LRRC74A: variants seen among roughly 807,000 people sequenced by gnomAD.
LRRC74A encodes leucine-rich repeat-containing protein 74A.
In LRRC74A, 44 loss-of-function variants were observed where a neutral mutation model predicts 57.9. The ratio of observed to expected loss-of-function variants is 0.76; its 90% CI spans 0.60 to 0.98. The LOEUF is 0.98. Ranked by LOEUF, LRRC74A falls within the 50% of genes least tolerant of loss-of-function variation. LRRC74A has a pLI of 0.00. For missense variants in LRRC74A, 572 were observed against 574.0 expected (o/e 1.00, Z 0.04); for synonymous variants, 211 against 219.4 (o/e 0.96, Z 0.34).
chr14:76,840,564 A>T (rs1595359018), intron 5 of LRRC74A, among the ~76,000 whole-genome samples: 1 of 149,300 alleles, frequency 6.7e-6, no homozygotes, highest in Non-Finnish European at 1.5e-5. Context: ...ATTTTATTTC[A>T]TTAATCTATT....
rs528883288 is a variant in LRRC74A at position 76,851,266 on chromosome 14, G to A, written c.677-1099G>A. 7.9e-5 allele frequency among the ~76,000 whole-genome samples: 12 copies of A among 152,348 alleles called. No homozygotes were observed. The South Asian group carries it at 1.5e-3, about 18-fold the overall frequency. ...GACGTAATATGCCAGGTCCATCACA[G>A]CCTTCCTGTGTAAATACAGCCCCTG... On this transcript the variant is annotated intron_variant, in intron 7 of 13. Transcript: ENST00000689127.
chr14:76,864,906 TCA>T (rs1898656557), intron 11 of LRRC74A, among the ~76,000 whole-genome samples: 1 of 152,152 alleles, frequency 6.6e-6, no homozygotes. Flanking sequence ...GAAAAGGTGT[TCA>T]TATGTGAACA....
chr14:76,864,814 A>G (rs1053840921), intron 11 of LRRC74A, among the ~76,000 whole-genome samples: 6 of 152,354 alleles, frequency 3.9e-5, no homozygotes, highest in African/African-American at 1.4e-4. Context: ...AGATCGAGCC[A>G]CTGAACTCTA....
intron 9 of LRRC74A, among the ~76,000 whole-genome samples, chr14:76,856,792 G>GTGGATGGATGGA (rs59726536): frequency 7.7e-6 from 1 of 129,678 alleles, no homozygotes; most frequent in Non-Finnish European, 1.7e-5. Context: ...GGATAAGTGA[G>GTGGATGGATGGA]TGGATGGATG....
In LRRC74A at chr14:76,870,127, T is replaced by G; in HGVS notation, c.1394T>G (p.Phe465Cys). The change falls in exon 14 of 14, where the codon TTC becomes TGC. Residue 465 changes from phenylalanine (F) to cysteine (C), a missense_variant and splice_region_variant. Physicochemically the swap from Phe to Cys is radical, Grantham distance 205. Coordinates refer to ENST00000689127, the MANE Select transcript of LRRC74A (RefSeq NM_001385106.1). Reference protein sequence around the residue: ...DEKTGMVNFSFLNTMKP With the variant: ...DEKTGMVNFSCLNTMKP The stretch of plus-strand genomic sequence containing the variant: ...CTTTCCCTTACCTTTCGTACCAGTT[T>G]CTTGAACACGATGAAGCCATAGCAA... 1 of 1,611,848 alleles carries G rather than the reference T, an allele frequency of 6.2e-7. No individual in the cohort carries two copies. The highest frequency in any genetic ancestry group is 1.3e-5 in the African/African-American group (1 of 75,058).
intron 11 of LRRC74A, among the ~76,000 whole-genome samples, chr14:76,863,824 A>G (rs189987980): frequency 7.9e-5 from 12 of 152,368 alleles, no homozygotes; most frequent in Admixed American, 5.9e-4. Flanking sequence ...AAGCACCCCA[A>G]CTGAGTTGCC....
At chr14:76,864,099 G>T (rs1433782444) in intron 11 of LRRC74A, among the ~76,000 whole-genome samples, 1 of 152,224 alleles carries the variant, frequency 6.6e-6, no homozygotes, top group East Asian at 1.9e-4. Flanking sequence ...GGTGCCGAGG[G>T]CTCACCCATG....
chr14:76,831,901 A>T (rs1248196976), intron 3 of LRRC74A, among the ~76,000 whole-genome samples: 1 of 152,194 alleles, frequency 6.6e-6, no homozygotes, highest in Non-Finnish European at 1.5e-5. Flanking sequence ...CAAGGACTTG[A>T]CCTTGAGTTC....
chr14:76,866,342 T>C (rs1180427316), intron 12 of LRRC74A, among the ~76,000 whole-genome samples: 2 of 152,170 alleles, frequency 1.3e-5, no homozygotes, highest in African/African-American at 2.4e-5. Flanking sequence ...TGTTCTATCT[T>C]GAGGTTTTTC....
intron 5 of LRRC74A, 81 bp from the exon 6 acceptor site, chr14:76,844,342 T>G (rs1001213409): frequency 1.5e-5 from 19 of 1,290,720 alleles, no homozygotes; most frequent in Non-Finnish European, 1.9e-5. Flanking sequence ...TAAAGGGAAG[T>G]GGACTGGGAG....
chr14:76,840,630 T>C (rs1896695019), intron 5 of LRRC74A, among the ~76,000 whole-genome samples: 2 of 149,702 alleles, frequency 1.3e-5, no homozygotes, highest in East Asian at 3.9e-4. Context: ...TCACCCAGGC[T>C]GGAGTGCAGT....
chr14:76,828,548 G>T (rs1231171849), intron 2 of LRRC74A, 129 bp downstream of exon 2: 2 of 1,426,436 alleles, frequency 1.4e-6, no homozygotes, highest in Non-Finnish European at 2.0e-6. Flanking sequence ...AGGAAATGTG[G>T]CAGAAAGGCC....
chr14:76,838,464 A>C (rs1297396144), intron 5 of LRRC74A, among the ~76,000 whole-genome samples: 1 of 151,418 alleles, frequency 6.6e-6, no homozygotes, highest in African/African-American at 2.4e-5. Context: ...AATTAGTGGA[A>C]AACATTTTAT....
intron 8 of LRRC74A, among the ~76,000 whole-genome samples, chr14:76,852,784 A>AT (rs1460568144): frequency 1.3e-5 from 2 of 151,662 alleles, no homozygotes; most frequent in African/African-American, 2.4e-5. Flanking sequence ...ATGCCCGGCT[A>AT]TTTTTTGTAT....
chr14:76,854,712 A>G (rs959368582), intron 9 of LRRC74A, among the ~76,000 whole-genome samples: 2 of 152,226 alleles, frequency 1.3e-5, no homozygotes, highest in South Asian at 4.1e-4. Context: ...TGTGCTTCTG[A>G]TGAATGAATG....
chr14:76,844,963 G>A (rs919731997), intron 7 of LRRC74A, 62 bp downstream of exon 7: 1 of 821,210 alleles, frequency 1.2e-6, no homozygotes, highest in Non-Finnish European at 2.1e-6. Flanking sequence ...ACTTGGCAGA[G>A]CGGAATCTCC....
intron 9 of LRRC74A, 52 bp from the exon 10 acceptor site, chr14:76,857,328 C>A: frequency 8.4e-7 from 1 of 1,191,380 alleles, no homozygotes; most frequent in Non-Finnish European, 1.2e-6. Context: ...GTGCTCTGGG[C>A]CAGCCTCTCC....
At chr14:76,827,059 T>C (rs1348607963) in intron 1 of LRRC74A, among the ~76,000 whole-genome samples, 2 of 152,216 alleles carry the variant, frequency 1.3e-5, no homozygotes, top group African/African-American at 4.8e-5. Flanking sequence ...ATCAGGATGT[T>C]TTTGGTGTTG....
chr14:76,828,879 A>G, intron 2 of LRRC74A: 2 of 591,304 alleles, frequency 3.4e-6, no homozygotes, highest in South Asian at 3.6e-5. Context: ...ACTCACTCTG[A>G]TGGTTCTGCC....
Sources: allele counts gnomAD v4.1 joint callset (sites outside exome capture counted in the v4.1 genomes callset), GRCh38; gene constraint gnomAD v4.1.1; transcripts MANE v1.5; gene names NCBI Gene and HGNC (gene_info 2026-07-23, HGNC 2026-07-21).